Variants in CPED1 observed in about 807,000 individuals in gnomAD.
CPED1 encodes cadherin like and PC-esterase domain containing 1, also known as cadherin-like and PC-esterase domain-containing protein 1.
Under a neutral mutation model 128.2 loss-of-function variants are expected in CPED1, and 114 were observed. The ratio of observed to expected loss-of-function variants is 0.89; its 90% CI spans 0.76 to 1.04. The LOEUF is 1.04. Among genes scored for constraint, CPED1 ranks in the 50% least tolerant of loss-of-function variants. CPED1 has a pLI of 0.00. For synonymous variants in CPED1, 462 were observed against 426.7 expected, an observed-to-expected ratio of 1.08 and a Z score of -1.02; for missense variants, 1,211 against 1,207.1, an observed-to-expected ratio of 1.00 and a Z score of -0.05.
intron 7 of CPED1, among the ~76,000 whole-genome samples, chr7:121,117,151 A>T (rs184347447): frequency 1.0e-3 from 151 of 148,040 alleles, no homozygotes; most frequent in Middle Eastern, 7.1e-3. Flanking sequence ...CCCAGGCTGG[A>T]GTGCAGTGGC....
chr7:121,174,316 T>C (rs1242752703), intron 16 of CPED1, among the ~76,000 whole-genome samples: 2 of 152,156 alleles, frequency 1.3e-5, no homozygotes, highest in African/African-American at 4.8e-5. Flanking sequence ...CCTAGAATGG[T>C]ATTGCTTAGT....
At chr7:121,099,862 A>G in intron 6 of CPED1, 64 bp from the exon 7 acceptor site, 1 of 1,533,518 alleles carries the variant, frequency 6.5e-7, no homozygotes, top group Non-Finnish European at 8.9e-7. Context: ...CTTGTAGGTA[A>G]TTTACAAATT....
At chr7:121,260,258 TATG>T in intron 18 of CPED1, among the ~76,000 whole-genome samples, 1 of 148,900 alleles carries the variant, frequency 6.7e-6, no homozygotes, top group Non-Finnish European at 1.5e-5. Flanking sequence ...TGCCAAATTT[TATG>T]TCTGAGAGTG....
chr7:121,056,690 C>G (rs1793507638), intron 4 of CPED1, among the ~76,000 whole-genome samples: 2 of 152,170 alleles, frequency 1.3e-5, no homozygotes, highest in Non-Finnish European at 2.9e-5. Context: ...TCTCCATTCC[C>G]TTTCCTCTTT....
intron 22 of CPED1, among the ~76,000 whole-genome samples, chr7:121,274,271 G>A (rs1792290457): frequency 6.6e-6 from 1 of 152,020 alleles, no homozygotes. Flanking sequence ...AAGGCTTTTT[G>A]AACCATCAGC....
chr7:121,256,016 CA>C (rs1214855450), intron 18 of CPED1, among the ~76,000 whole-genome samples: 1 of 144,938 alleles, frequency 6.9e-6, no homozygotes, highest in Non-Finnish European at 1.5e-5. Context: ...CTCTTCCTAT[CA>C]AACTACCAAT....
Position 121,263,726 on chromosome 7 carries a change from A to C in CPED1, c.2311-2501A>C, listed in dbSNP as rs1364961536. On this transcript the variant is annotated intron_variant, in intron 18 of 22. Transcript: ENST00000310396. ...ATATATAACTACTTTGATTTTTCTC[A>C]ACCTTTGTATTGTTCTGCATAGCCC... 2.0e-5 allele frequency among the ~76,000 whole-genome samples: 3 copies of C among 151,998 alleles called. No individual in the cohort carries two copies. The East Asian group carries it at 5.8e-4, about 29-fold the overall frequency.
At chr7:121,124,948 A>T (rs1795468897) in intron 8 of CPED1, among the ~76,000 whole-genome samples, 1 of 152,204 alleles carries the variant, frequency 6.6e-6, no homozygotes. Flanking sequence ...TTCTAAGGAA[A>T]TGTTAAATCT....
At chr7:121,081,608 C>T (rs1235078675) in intron 5 of CPED1, among the ~76,000 whole-genome samples, 1 of 152,124 alleles carries the variant, frequency 6.6e-6, no homozygotes, top group Non-Finnish European at 1.5e-5. Context: ...AGTGTTGATA[C>T]TCATTTCACA....
chr7:121,059,499 C>T (rs1793594506), intron 4 of CPED1, among the ~76,000 whole-genome samples: 1 of 152,060 alleles, frequency 6.6e-6, no homozygotes, highest in African/African-American at 2.4e-5. Flanking sequence ...CTCTAAAATG[C>T]AACATGATGT....
intron 5 of CPED1, among the ~76,000 whole-genome samples, chr7:121,094,466 G>A (rs1794651476): frequency 6.6e-6 from 1 of 152,142 alleles, no homozygotes; most frequent in South Asian, 2.1e-4. Flanking sequence ...CGAATAAAAT[G>A]TTTTTAATTC....
At chr7:121,054,589 T>C (rs1563007665) in intron 4 of CPED1, among the ~76,000 whole-genome samples, 1 of 152,128 alleles carries the variant, frequency 6.6e-6, no homozygotes, top group African/African-American at 2.4e-5. Flanking sequence ...CATTCAGTAA[T>C]ACAGTTAGGG....
chr7:120,995,428 C>T (rs1202458732), intron 2 of CPED1, among the ~76,000 whole-genome samples: 2 of 152,196 alleles, frequency 1.3e-5, no homozygotes, highest in African/African-American at 2.4e-5. Context: ...TCTGATGACA[C>T]AGGTAGACAT....
At chr7:121,156,879 A>G (rs1344112300) in intron 16 of CPED1, among the ~76,000 whole-genome samples, 1 of 152,190 alleles carries the variant, frequency 6.6e-6, no homozygotes, top group Non-Finnish European at 1.5e-5. Context: ...AACTTGAATA[A>G]CACCAGGGCA....
chr7:121,256,135 A>AAC (rs1791865287), intron 18 of CPED1, among the ~76,000 whole-genome samples: 2 of 148,976 alleles, frequency 1.3e-5, no homozygotes, highest in African/African-American at 5.0e-5. Flanking sequence ...AAAACAAAAA[A>AAC]AAAAAACAAA....
At chr7:121,237,427 G>A (rs1049484778) in intron 17 of CPED1, among the ~76,000 whole-genome samples, 6 of 151,912 alleles carry the variant, frequency 3.9e-5, no homozygotes, top group Non-Finnish European at 8.8e-5. Context: ...CTCATATATC[G>A]GTCATTTATA....
intron 13 of CPED1, 124 bp from the exon 14 acceptor site, chr7:121,135,916 T>C (rs1197092530): frequency 2.4e-5 from 15 of 636,272 alleles, no homozygotes; most frequent in Admixed American, 4.0e-5. Context: ...CTTAGAAGTG[T>C]TCACTAGTAT....
intron 22 of CPED1, among the ~76,000 whole-genome samples, chr7:121,276,736 A>C (rs971506311): frequency 1.3e-5 from 2 of 152,186 alleles, no homozygotes; most frequent in Non-Finnish European, 2.9e-5. Flanking sequence ...ATCCCATAGA[A>C]TAATGTGAAC....
intron 16 of CPED1, among the ~76,000 whole-genome samples, chr7:121,233,562 T>C (rs1798185272): frequency 6.6e-6 from 1 of 151,970 alleles, no homozygotes; most frequent in Non-Finnish European, 1.5e-5. Flanking sequence ...ACAACAACAA[T>C]ACTGTTGTTT....
Sources: gnomAD v4.1 joint callset for allele counts (sites outside exome capture counted in the v4.1 genomes callset) on GRCh38, gnomAD v4.1.1 for gene constraint, MANE v1.5 for transcripts, NCBI Gene and HGNC (gene_info 2026-07-23, HGNC 2026-07-21) for gene names.